The following IPO7 variants were observed in gnomAD, a reference collection of about 807,000 sequenced individuals.
IPO7 encodes importin-7.
IPO7 carries 13 observed loss-of-function variants against 136.4 expected under a neutral mutation model. The ratio of observed to expected loss-of-function variants is 0.10; its 90% CI spans 0.06 to 0.15. IPO7 has a LOEUF of 0.15. Ranked by LOEUF, IPO7 falls within the 10% of genes least tolerant of loss-of-function variation. IPO7 has a pLI of 1.00. For synonymous variants in IPO7, 403 were observed against 404.4 expected (o/e 1.00, Z 0.04); for missense variants, 857 against 1,240.6 (o/e 0.69, Z 4.65).
At position 9,423,780 on chromosome 11, in the gene IPO7, A is replaced by G. The variant is rs779180698; in HGVS notation, c.1045A>G (p.Ile349Val). Reference sequence around the variant, plus strand: ...TTTCTTAACTTTTAAATTGCAGGGCATTATCCAAGATGTTATTTTTCCATT... The same window carrying G: ...TTTCTTAACTTTTAAATTGCAGGGCGTTATCCAAGATGTTATTTTTCCATT... ...WKNLKPHIQG[I>V]IQDVIFPLMC... Residue 349 changes from isoleucine (I) to valine (V), a missense_variant, in exon 10 of 25, where the codon ATT becomes GTT. Ile to Val is a conservative substitution (Grantham distance 29). Coordinates refer to ENST00000379719, the MANE Select transcript of IPO7 (RefSeq NM_006391.3). 1 of 1,571,454 alleles carries G rather than the reference A, an allele frequency of 6.4e-7. No homozygotes were observed.
chr11:9,425,089 A>G, intron 11 of IPO7, 57 bp from the exon 12 acceptor site: 5 of 1,318,780 alleles, frequency 3.8e-6, no homozygotes, highest in Non-Finnish European at 5.4e-6. Context: ...TTTTGTTAGT[A>G]TGTTTTTTAA....
chr11:9,417,263 T>C, intron 6 of IPO7, 115 bp downstream of exon 6: 1 of 502,524 alleles, frequency 2.0e-6, no homozygotes, highest in Non-Finnish European at 3.5e-6. Flanking sequence ...TATGGTGATG[T>C]ATTTTTTTCT....
intron 5 of IPO7, among the ~76,000 whole-genome samples, chr11:9,415,839 A>AAAAAAAAG (rs1036646498): frequency 6.6e-6 from 1 of 151,988 alleles, no homozygotes; most frequent in Non-Finnish European, 1.5e-5. Flanking sequence ...CTCCGTCCCA[A>AAAAAAAAG]AAAAAAAGAA....
At chr11:9,437,105 C>T (rs1412567750) in intron 20 of IPO7, among the ~76,000 whole-genome samples, 1 of 150,120 alleles carries the variant, frequency 6.7e-6, no homozygotes, top group African/African-American at 2.5e-5. Flanking sequence ...AGGCTGGTCT[C>T]AAACTCCTGA....
intron 1 of IPO7, among the ~76,000 whole-genome samples, chr11:9,387,187 T>A (rs556719758): frequency 6.6e-6 from 1 of 152,346 alleles, no homozygotes; most frequent in South Asian, 2.1e-4. Flanking sequence ...AGTGAAGCTG[T>A]GTTTTGGTTC....
Position 9,429,765 on chromosome 11 carries a change from A to G in IPO7, c.1683A>G (p.Val561=). 6.2e-7 allele frequency: 1 copy of G among 1,604,286 alleles called. No individual in the cohort carries two copies. Among genetic ancestry groups the G allele is most frequent in the African/African-American group, 1.3e-5 (1 of 74,752 alleles). ...RETENDDLTN[V]IQKMICEYSE... ...CAGAAAATGATGACCTTACCAATGT[A>G]ATTCAGAAAATGATCTGTGAATATA... Residue 561 remains valine, a synonymous_variant, in exon 15 of 25, where the codon GTA becomes GTG. Coordinates refer to ENST00000379719, the MANE Select transcript of IPO7 (RefSeq NM_006391.3).
chr11:9,385,375 G>A (rs1330283145), intron 1 of IPO7, among the ~76,000 whole-genome samples: 2 of 152,164 alleles, frequency 1.3e-5, no homozygotes, highest in African/African-American at 4.8e-5. Context: ...CTCTGGCTGA[G>A]TTGCTAGGGA....
rs569395600 is a variant in IPO7, at chr11:9,425,538, G to C, written c.1335+276G>C. Reference sequence around the variant, plus strand: ...GGGGGATCACCTGAGGTCAGCAGTTGAAGACCAGCCTGGCCAACATGGTGA... The same window carrying C: ...GGGGGATCACCTGAGGTCAGCAGTTCAAGACCAGCCTGGCCAACATGGTGA... On this transcript the variant is annotated intron_variant, in intron 12 of 24. Coordinates refer to ENST00000379719, the MANE Select transcript of IPO7 (RefSeq NM_006391.3). Among the ~76,000 whole-genome samples the C allele has an allele frequency of 5.9e-5, 9 of 152,148 alleles. No homozygotes were observed. The South Asian group carries it at 1.7e-3, about 28-fold the overall frequency.
intron 24 of IPO7, among the ~76,000 whole-genome samples, chr11:9,444,891 T>A (rs910472561): frequency 6.6e-6 from 1 of 151,424 alleles, no homozygotes; most frequent in Admixed American, 6.6e-5. Context: ...GAAAATTGGC[T>A]AAGAAGTCTA....
At chr11:9,424,882 T>A (rs771976153) in intron 10 of IPO7, 32 bp from the exon 11 acceptor site, 1 of 1,301,592 alleles carries the variant, frequency 7.7e-7, no homozygotes, top group Admixed American at 1.9e-5. Context: ...GAAATTAATG[T>A]TTATTGTCTT....
chr11:9,436,331 A>G lies in IPO7; in HGVS notation c.2233A>G (p.Ile745Val), dbSNP rs1223913757. 5.0e-6 allele frequency: 8 copies of G among 1,613,904 alleles called. No homozygotes were observed. The highest frequency in any genetic ancestry group is 4.4e-5 in the South Asian group (4 of 91,054). The change falls in exon 20 of 25, where the codon ATC becomes GTC. Residue 745 changes from isoleucine (I) to valine (V), a missense_variant. Ile to Val is a conservative substitution (Grantham distance 29). Around this residue, in one of 11 missense-constraint regions of IPO7, gnomAD observed 190 missense variants for 249.0 expected, o/e 0.76. Coordinates refer to ENST00000379719, the MANE Select transcript of IPO7 (RefSeq NM_006391.3). ...ECHAAKLLEV[I>V]ILQCKGRGID... ...TCATGCAGCAAAATTGTTAGAGGTC[A>G]TCATTCTGCAGTGCAAAGGGCGTGG...
chr11:9,401,259 A>T (rs1169171193), intron 1 of IPO7, among the ~76,000 whole-genome samples: 1 of 152,154 alleles, frequency 6.6e-6, no homozygotes, highest in Admixed American at 6.5e-5. Flanking sequence ...TACTTGAGCT[A>T]AAAGATGACA....
In IPO7 at chr11:9,410,038, G is replaced by A. The variant is rs760912372; in HGVS notation, c.431G>A (p.Cys144Tyr). The A allele has an allele frequency of 1.9e-6, 3 of 1,603,022 alleles. No homozygotes were observed. The highest frequency in any genetic ancestry group is 4.5e-5 in the East Asian group (2 of 44,258). Residue 144 changes from cysteine (C) to tyrosine (Y), a missense_variant, in exon 4 of 25, where the codon TGT becomes TAT. Coordinates refer to ENST00000379719, the MANE Select transcript of IPO7 (RefSeq NM_006391.3). ...GFYLQSDNSA[C>Y]WLGILLCLYQ... ...TATCTTCAGTCCGATAACAGTGCTT[G>A]TTGGCTAGGAATTCTTCTTTGCCTT... is the stretch of plus-strand genomic sequence containing the variant.
intron 1 of IPO7, among the ~76,000 whole-genome samples, chr11:9,388,181 A>AC (rs1564989419): frequency 6.8e-6 from 1 of 146,018 alleles, no homozygotes; most frequent in African/African-American, 2.5e-5. Context: ...AAATAAATAA[A>AC]TTTTTTTTTT....
intron 1 of IPO7, among the ~76,000 whole-genome samples, chr11:9,391,018 C>T (rs937331616): frequency 6.6e-6 from 1 of 152,178 alleles, no homozygotes; most frequent in African/African-American, 2.4e-5. Context: ...GATCCACCCG[C>T]CTCTGCCTCC....
chr11:9,445,020 T>G, intron 24 of IPO7, 77 bp from the exon 25 acceptor site: 2 of 897,644 alleles, frequency 2.2e-6, no homozygotes, highest in East Asian at 2.4e-5. Context: ...AGCTACTGGC[T>G]TGTTTAATGT....
chr11:9,390,299 T>G (rs1017997179), intron 1 of IPO7, among the ~76,000 whole-genome samples: 7 of 151,862 alleles, frequency 4.6e-5, no homozygotes, highest in Admixed American at 3.9e-4. Flanking sequence ...GTGTGTGTTT[T>G]TTTTTTTTTA....
At chr11:9,414,736 C>A in intron 5 of IPO7, 1 of 154,164 alleles carries the variant, frequency 6.5e-6, no homozygotes, top group African/African-American at 2.5e-5. Flanking sequence ...AGCGATTCTC[C>A]TGCCTCAGCC....
chr11:9,401,970 T>C lies in IPO7; in HGVS notation c.85-1320T>C, dbSNP rs777794981. Among the ~76,000 whole-genome samples the C allele has an allele frequency of 3.9e-5, 6 of 152,226 alleles. No homozygotes were observed. The East Asian group carries it at 5.8e-4, about 15-fold the overall frequency. On this transcript the variant is annotated intron_variant, in intron 1 of 24. Coordinates refer to ENST00000379719, the MANE Select transcript of IPO7 (RefSeq NM_006391.3). ...CCTCCCAGAGCCACCATGCCTGGAC[T>C]AAACTGTTCATTTTTATTGATTTCG...
Sources: gnomAD v4.1 joint callset for allele counts (sites outside exome capture counted in the v4.1 genomes callset) on GRCh38, gnomAD v4.1.1 for gene constraint, gnomAD v4.1.1 regional missense constraint, MANE v1.5 for transcripts, NCBI Gene and HGNC (gene_info 2026-07-23, HGNC 2026-07-21) for gene names.